Variants in PALM2AKAP2 observed in about 807,000 individuals in gnomAD.
PALM2AKAP2 encodes the protein PALM2-AKAP2 fusion protein.
A neutral mutation model predicts 71.5 loss-of-function variants in PALM2AKAP2; 37 were observed. The observed-to-expected ratio is 0.52, with a 90% confidence interval of 0.40 to 0.68. The LOEUF (loss-of-function observed/expected upper bound fraction) is 0.68, where lower values mean the gene tolerates loss of function less well. Ranked by LOEUF, PALM2AKAP2 falls within the 30% of genes least tolerant of loss-of-function variation. The pLI is 0.00. For synonymous variants in PALM2AKAP2, 468 were observed against 478.8 expected (o/e 0.98, Z 0.29); for missense variants, 1,224 against 1,191.8 (o/e 1.03, Z -0.40).
intron 1 of PALM2AKAP2, among the ~76,000 whole-genome samples, chr9:109,745,089 T>C (rs537844093): frequency 2.0e-5 from 3 of 152,302 alleles, no homozygotes; most frequent in Admixed American, 2.0e-4. Context: ...GCCTTCCTTT[T>C]TGCTCATTTT....
chr9:109,911,136 G>A (rs1310102477), intron 3 of PALM2AKAP2, among the ~76,000 whole-genome samples: 3 of 152,128 alleles, frequency 2.0e-5, no homozygotes, highest in Admixed American at 2.0e-4. Context: ...AGGTCAGAAG[G>A]TGTGGCTGGA....
chr9:110,094,463 A>G (rs766004092), intron 1 of PALM2AKAP2, among the ~76,000 whole-genome samples: 18 of 152,210 alleles, frequency 1.2e-4, no homozygotes, highest in Non-Finnish European at 1.9e-4. Flanking sequence ...CTGGCTCATG[A>G]TTCCACAGGC....
At chr9:109,917,602 C>T (rs2131924913) in intron 3 of PALM2AKAP2, among the ~76,000 whole-genome samples, 1 of 151,660 alleles carries the variant, frequency 6.6e-6, no homozygotes, top group Admixed American at 6.6e-5. Flanking sequence ...GATCTTCCCA[C>T]CTTAGCCTCC....
At chr9:110,071,236 A>G (rs1457601879) in intron 1 of PALM2AKAP2, among the ~76,000 whole-genome samples, 1 of 151,660 alleles carries the variant, frequency 6.6e-6, no homozygotes, top group Non-Finnish European at 1.5e-5. Flanking sequence ...CGAATATTAG[A>G]AATTTCATGT....
chr9:109,812,073 A>G (rs2131445861), intron 1 of PALM2AKAP2, among the ~76,000 whole-genome samples: 1 of 152,344 alleles, frequency 6.6e-6, no homozygotes, highest in East Asian at 1.9e-4. Context: ...GGTCACAATA[A>G]TAGAACTGTT....
rs370722940 is a variant in PALM2AKAP2, at chr9:110,156,307, G to C, written c.2570-12G>C. On this transcript the variant is annotated splice_polypyrimidine_tract_variant and intron_variant, in intron 2 of 3. Coordinates refer to ENST00000374525, the Ensembl canonical transcript of PALM2AKAP2. ...CAAGCTTAGAAAGGGTATTTTCTTC[G>C]TGTTGTTTCAGGGAAAATAGAGAAA... 8 of 1,557,392 alleles carry C rather than the reference G, an allele frequency of 5.1e-6. No homozygotes were observed. The highest frequency in any genetic ancestry group is 6.9e-6 in the Non-Finnish European group (8 of 1,152,146).
At chr9:110,007,268 T>A (rs905819446) in intron 6 of PALM2AKAP2, among the ~76,000 whole-genome samples, 1 of 152,224 alleles carries the variant, frequency 6.6e-6, no homozygotes, top group African/African-American at 2.4e-5. Context: ...GGACTTGTTA[T>A]ATGAGCCAAT....
At chr9:110,162,214 G>C in intron 3 of PALM2AKAP2, 82 bp downstream of exon 10, 1 of 1,567,170 alleles carries the variant, frequency 6.4e-7, no homozygotes, top group East Asian at 2.2e-5. Flanking sequence ...TTCCTGATGA[G>C]TTAAACGAAA....
intron 1 of PALM2AKAP2, among the ~76,000 whole-genome samples, chr9:109,689,963 TAG>T (rs749081500): frequency 6.6e-6 from 1 of 151,944 alleles, no homozygotes; most frequent in African/African-American, 2.4e-5. Flanking sequence ...GTCATGGAGA[TAG>T]AGAGTCTTCC....
rs1323678637 is a variant in PALM2AKAP2, at chr9:109,717,731, A to AAAG, written c.6-62757_6-62756insAAG. ...TCCTACAAAGCCTTTCCCTGAGGAG[A>AAAG]GCTTGCAGGTTGGGCAGCCTAAGCC... On this transcript the variant is annotated intron_variant, in intron 1 of 6. Coordinates refer to the PALM2AKAP2 transcript ENST00000374531. Among the ~76,000 whole-genome samples the AAAG allele has an allele frequency of 2.6e-5, 4 of 152,310 alleles. No homozygotes were observed. The East Asian group carries it at 7.7e-4, about 29-fold the overall frequency.
chr9:110,057,895 G>A (rs1833880674), intron 1 of PALM2AKAP2, among the ~76,000 whole-genome samples: 2 of 152,204 alleles, frequency 1.3e-5, no homozygotes, highest in South Asian at 4.1e-4. Context: ...AGGAAAGTCT[G>A]ACAATTACAA....
Position 109,671,451 on chromosome 9 carries a change from C to T in PALM2AKAP2, c.5+30585C>T, listed in dbSNP as rs146074611. On this transcript the variant is annotated intron_variant, in intron 1 of 6. Coordinates refer to the PALM2AKAP2 transcript ENST00000374531. ...TATTCTTGGGTTCTGTATTCTATTC[C>T]ATTGGTCTATGTGTCTGTTTTTGTA... Among the ~76,000 whole-genome samples, 89 of 152,184 alleles carry T rather than the reference C, an allele frequency of 5.8e-4. No individual in the cohort carries two copies. In the East Asian group the frequency reaches 0.017, roughly 28 times the overall value.
chr9:109,798,290 T>C (rs1047365546), intron 1 of PALM2AKAP2, among the ~76,000 whole-genome samples: 1 of 152,188 alleles, frequency 6.6e-6, no homozygotes, highest in African/African-American at 2.4e-5. Context: ...GGGTTAGGAC[T>C]TCAATATATC....
At chr9:109,987,113 G>A (rs1212445136) in intron 6 of PALM2AKAP2, among the ~76,000 whole-genome samples, 2 of 151,922 alleles carry the variant, frequency 1.3e-5, no homozygotes, top group Non-Finnish European at 2.9e-5. Context: ...GTTATGTTCT[G>A]CCTTCCTTTC....
Position 109,925,155 on chromosome 9 carries a change from G to C in PALM2AKAP2, c.394+73G>C. On this transcript the variant is annotated intron_variant, in intron 5 of 9. Coordinates refer to the PALM2AKAP2 transcript ENST00000302798. ...AGCTTAGGGGGTTTCATTAACAGGG[G>C]CTTAAGGAAGAGGTACTGTGTTGAT... The C allele has an allele frequency of 1.9e-6, 3 of 1,599,070 alleles. No individual in the cohort carries two copies. The South Asian group carries it at 3.3e-5, about 18-fold the overall frequency.
upstream of PALM2AKAP2, among the ~76,000 whole-genome samples, chr9:109,776,335 C>T (rs1829348172): frequency 6.6e-6 from 1 of 152,198 alleles, no homozygotes; most frequent in African/African-American, 2.4e-5. Context: ...TTTCATGTGC[C>T]TTCCTGTTTC....
At chr9:110,065,065 G>A (rs1834048591) in intron 1 of PALM2AKAP2, among the ~76,000 whole-genome samples, 1 of 152,160 alleles carries the variant, frequency 6.6e-6, no homozygotes, top group Non-Finnish European at 1.5e-5. Context: ...AGTAAGCTTT[G>A]GTGTCACACC....
At chr9:109,649,748 G>T (rs1827200687) in intron 1 of PALM2AKAP2, among the ~76,000 whole-genome samples, 1 of 152,208 alleles carries the variant, frequency 6.6e-6, no homozygotes, top group South Asian at 2.1e-4. Context: ...AGGTAGAGGG[G>T]ATGGAGACAG....
At chr9:110,088,703 G>GTTTTTTTTTTTTTTTTTT (rs71373964) in intron 1 of PALM2AKAP2, among the ~76,000 whole-genome samples, 1 of 75,574 alleles carries the variant, frequency 1.3e-5, no homozygotes, top group Non-Finnish European at 2.8e-5. Flanking sequence ...GCATTTACGT[G>GTTTTTTTTTTTTTTTTTT]TTTTTTTTTT....
Sources: allele counts gnomAD v4.1 joint callset (sites outside exome capture counted in the v4.1 genomes callset), GRCh38; gene constraint gnomAD v4.1.1; transcripts MANE v1.5; gene names NCBI Gene and HGNC (gene_info 2026-07-23, HGNC 2026-07-21).